Variants in SPATA7 observed in about 807,000 individuals in gnomAD.
SPATA7 encodes spermatogenesis associated 7, also known as spermatogenesis-associated protein 7.
SPATA7 carries 43 observed loss-of-function variants against 51.8 expected under a neutral mutation model. The observed-to-expected ratio is 0.83, with a 90% CI of 0.65 to 1.07. The LOEUF (loss-of-function observed/expected upper bound fraction) is 1.07. SPATA7 is among the 50% of genes least tolerant of loss of function. The pLI, the probability that SPATA7 is intolerant of heterozygous loss-of-function variation, is 0.00. For synonymous variants in SPATA7, 230 were observed against 252.8 expected (o/e 0.91, Z 0.86); for missense variants, 683 against 701.3 (o/e 0.97, Z 0.30).
downstream of SPATA7, among the ~76,000 whole-genome samples, chr14:88,443,455 G>C (rs1414796641): frequency 1.3e-5 from 2 of 151,384 alleles, no homozygotes; most frequent in Non-Finnish European, 2.9e-5. Flanking sequence ...GTTGTAATAT[G>C]TCCTGCTTAT....
At chr14:88,455,537 A>G (rs551536273), downstream of SPATA7, among the ~76,000 whole-genome samples, 47 of 152,366 alleles carry the variant, frequency 3.1e-4, no homozygotes, top group African/African-American at 1.1e-3. Context: ...TCACATATAT[A>G]ACATTTAACC....
downstream of SPATA7, among the ~76,000 whole-genome samples, chr14:88,440,196 A>G (rs1266148135): frequency 1.3e-5 from 2 of 152,064 alleles, no homozygotes; most frequent in Non-Finnish European, 2.9e-5. Context: ...TGGAGCTACC[A>G]TCTGTCTTTC....
chr14:88,445,663 A>G (rs983455110), intron 3 of SPATA7, among the ~76,000 whole-genome samples: 5 of 152,120 alleles, frequency 3.3e-5, no homozygotes, highest in African/African-American at 9.7e-5. Flanking sequence ...ACGTCCCATC[A>G]ATACCTAATT....
intron 1 of SPATA7, among the ~76,000 whole-genome samples, chr14:88,390,683 G>A (rs936739543): frequency 3.3e-5 from 5 of 152,172 alleles, no homozygotes; most frequent in African/African-American, 9.7e-5. Flanking sequence ...AAGGAAAGTT[G>A]AGTTGTCATT....
At chr14:88,394,578 T>C (rs556618517) in intron 3 of SPATA7, among the ~76,000 whole-genome samples, 1 of 152,366 alleles carries the variant, frequency 6.6e-6, no homozygotes, top group East Asian at 1.9e-4. Context: ...TGGATTGTTT[T>C]GACTCACTTT....
chr14:88,468,226 G>T (rs140299208), intron 4 of SPATA7: 1 of 1,610,706 alleles, frequency 6.2e-7, no homozygotes, highest in Non-Finnish European at 8.5e-7. Flanking sequence ...ATCATTCTCT[G>T]TTGCCTCAGC....
intron 4 of SPATA7, among the ~76,000 whole-genome samples, chr14:88,411,900 T>C (rs1363268288): frequency 6.6e-6 from 1 of 152,156 alleles, no homozygotes; most frequent in African/African-American, 2.4e-5. Flanking sequence ...ATGGTAGGTC[T>C]ATTTTTAGTT....
chr14:88,436,316 C>G (rs990033373), intron 10 of SPATA7, among the ~76,000 whole-genome samples: 1 of 151,956 alleles, frequency 6.6e-6, no homozygotes, highest in Non-Finnish European at 1.5e-5. Flanking sequence ...CTTATATATT[C>G]TGGTTATTAA....
chr14:88,436,473 G>C (rs1016999200), intron 10 of SPATA7, among the ~76,000 whole-genome samples: 1 of 152,006 alleles, frequency 6.6e-6, no homozygotes, highest in African/African-American at 2.4e-5. Context: ...TGTGCTTGTG[G>C]GATATTACTC....
intron 5 of SPATA7, among the ~76,000 whole-genome samples, chr14:88,424,160 T>G (rs967536574): frequency 6.6e-6 from 1 of 152,186 alleles, no homozygotes; most frequent in South Asian, 2.1e-4. Context: ...TTTCAGAACT[T>G]TACAGTGATC....
chr14:88,437,067 T>G (rs966504170), intron 10 of SPATA7, among the ~76,000 whole-genome samples: 1 of 151,156 alleles, frequency 6.6e-6, no homozygotes, highest in East Asian at 1.9e-4. Flanking sequence ...ATTTGGAATA[T>G]TTTTCCTTTT....
intron 4 of SPATA7, among the ~76,000 whole-genome samples, chr14:88,399,063 A>G (rs2075983323): frequency 6.6e-6 from 1 of 152,038 alleles, no homozygotes; most frequent in African/African-American, 2.4e-5. Flanking sequence ...AAAAAAAAAA[A>G]AAAGAAAAAA....
chr14:88,408,651 A>G (rs2076260005), intron 4 of SPATA7, among the ~76,000 whole-genome samples: 1 of 152,184 alleles, frequency 6.6e-6, no homozygotes, highest in Non-Finnish European at 1.5e-5. Flanking sequence ...TGTGTTGAAT[A>G]GGAGTGATGA....
At chr14:88,452,281 G>A (rs575726121) in intron 3 of SPATA7, among the ~76,000 whole-genome samples, 95 of 152,298 alleles carry the variant, frequency 6.2e-4, no homozygotes, top group African/African-American at 2.2e-3. Context: ...TTCATCTTCA[G>A]GTCTTTCAGC....
intron 3 of SPATA7, 145 bp downstream of exon 3, chr14:88,393,633 G>A (rs1036635090): frequency 1.2e-5 from 8 of 672,680 alleles, no homozygotes; most frequent in Non-Finnish European, 2.1e-5. Context: ...ACAAACTATT[G>A]ACTCTAGGTA....
At chr14:88,385,901 T>G in intron 1 of SPATA7, 64 bp downstream of exon 1, 2 of 1,557,120 alleles carry the variant, frequency 1.3e-6, no homozygotes, top group Non-Finnish European at 1.7e-6. Context: ...GCTCCCAGCC[T>G]CGGGTCCGGG....
chr14:88,393,708 C>T (rs1288619485), intron 3 of SPATA7: 5 of 372,056 alleles, frequency 1.3e-5, no homozygotes, highest in East Asian at 9.6e-5. Flanking sequence ...TATTTTATTT[C>T]GTTTTTTATC....
intron 4 of SPATA7, among the ~76,000 whole-genome samples, chr14:88,413,811 A>G (rs577264643): frequency 6.6e-6 from 1 of 152,052 alleles, no homozygotes; most frequent in African/African-American, 2.4e-5. Context: ...TGAGATGATC[A>G]TAAGGTTTTT....
intron 8 of SPATA7, among the ~76,000 whole-genome samples, chr14:88,430,542 A>C (rs1419379384): frequency 6.6e-6 from 1 of 152,208 alleles, no homozygotes; most frequent in African/African-American, 2.4e-5. Flanking sequence ...AAAATTTATC[A>C]TGATGACCAC....
Sources: gnomAD v4.1 joint callset for allele counts (sites outside exome capture counted in the v4.1 genomes callset) on GRCh38, gnomAD v4.1.1 for gene constraint, MANE v1.5 for transcripts, NCBI Gene and HGNC (gene_info 2026-07-23, HGNC 2026-07-21) for gene names.